IQCM: variants seen among roughly 807,000 people sequenced by gnomAD.
The protein encoded by IQCM is IQ motif containing M.
IQCM carries 45 observed loss-of-function variants against 57.6 expected under a neutral mutation model. That is an observed-to-expected ratio of 0.78 (90% CI 0.62 to 1.00). The LOEUF is 1.00. Among genes scored for constraint, IQCM ranks in the 50% least tolerant of loss-of-function variants. IQCM has a pLI of 0.00. For synonymous variants in IQCM, 148 were observed against 158.9 expected, an observed-to-expected ratio of 0.93 and a Z score of 0.51; for missense variants, 468 against 511.6, an observed-to-expected ratio of 0.91 and a Z score of 0.82.
chr4:149,813,508 T>C (rs1774783674), intron 2 of IQCM, among the ~76,000 whole-genome samples: 1 of 152,040 alleles, frequency 6.6e-6, no homozygotes. Flanking sequence ...ATTAACTAGT[T>C]ACACAACAGA....
chr4:149,808,068 C>T (rs901448486), intron 2 of IQCM, among the ~76,000 whole-genome samples: 4 of 152,070 alleles, frequency 2.6e-5, no homozygotes, highest in Non-Finnish European at 5.9e-5. Flanking sequence ...CACTGCTGAG[C>T]ATATTTCCAA....
intron 12 of IQCM, among the ~76,000 whole-genome samples, chr4:149,470,243 GAC>G (rs1465972108): frequency 3.3e-5 from 5 of 151,280 alleles, no homozygotes; most frequent in African/African-American, 1.2e-4. Context: ...CACATGCAGA[GAC>G]ACACATAGGC....
intron 13 of IQCM, among the ~76,000 whole-genome samples, chr4:149,367,422 G>A (rs1320579967): frequency 6.6e-6 from 1 of 151,892 alleles, no homozygotes; most frequent in Non-Finnish European, 1.5e-5. Flanking sequence ...TTGTTTTACA[G>A]AAATTATATC....
intron 2 of IQCM, among the ~76,000 whole-genome samples, chr4:149,790,744 GCCTGCAGTGCC>G (rs1413565792): frequency 6.6e-6 from 1 of 152,108 alleles, no homozygotes; most frequent in Non-Finnish European, 1.5e-5. Context: ...TAAGAAAATA[GCCTGCAGTGCC>G]TCCTGTGAAA....
At chr4:149,794,275 G>A (rs1353742968) in intron 2 of IQCM, among the ~76,000 whole-genome samples, 1 of 152,142 alleles carries the variant, frequency 6.6e-6, no homozygotes, top group African/African-American at 2.4e-5. Flanking sequence ...TCAGACAACT[G>A]GCAGAAATGC....
chr4:149,596,192 G>T (rs1257730855), intron 8 of IQCM, among the ~76,000 whole-genome samples: 1 of 152,112 alleles, frequency 6.6e-6, no homozygotes, highest in Non-Finnish European at 1.5e-5. Flanking sequence ...CCCTGTAAAG[G>T]TTGGAATCTA....
intron 5 of IQCM, among the ~76,000 whole-genome samples, chr4:149,701,373 T>A (rs1763756839): frequency 6.6e-6 from 1 of 152,046 alleles, no homozygotes; most frequent in Non-Finnish European, 1.5e-5. Context: ...AGAAGAATAT[T>A]CATGTATCAT....
intron 13 of IQCM, among the ~76,000 whole-genome samples, chr4:149,356,361 G>A (rs1274182402): frequency 6.6e-6 from 1 of 151,938 alleles, no homozygotes; most frequent in Admixed American, 6.6e-5. Context: ...TTTCTTCTAG[G>A]GTTTTTATGG....
intron 8 of IQCM, among the ~76,000 whole-genome samples, chr4:149,610,532 AG>A (rs1755186903): frequency 6.6e-6 from 1 of 152,032 alleles, no homozygotes; most frequent in African/African-American, 2.4e-5. Flanking sequence ...CAAATAGACC[AG>A]TGGAACAGAA....
rs199919998 is a variant in IQCM, at chr4:149,774,792, G to A, written c.-48-32053C>T. On this transcript the variant is annotated intron_variant, in intron 2 of 13. Transcript: ENST00000636793. ...AACCAAAAAAAAAAAAAAAAATCAG[G>A]AAGATGAAGTAAAATACCTCCAACT... 1.4e-4 allele frequency among the ~76,000 whole-genome samples: 21 copies of A among 150,688 alleles called. No individual in the cohort carries two copies. The East Asian group carries it at 1.9e-3, about 14-fold the overall frequency.
chr4:149,567,998 A>G (rs1361823698), intron 9 of IQCM, among the ~76,000 whole-genome samples: 1 of 152,120 alleles, frequency 6.6e-6, no homozygotes, highest in African/African-American at 2.4e-5. Context: ...TTTAGAGTCT[A>G]CTTGCTTTGC....
At chr4:149,469,675 A>G (rs918013749) in intron 12 of IQCM, among the ~76,000 whole-genome samples, 6 of 152,182 alleles carry the variant, frequency 3.9e-5, no homozygotes, top group Non-Finnish European at 5.9e-5. Context: ...TAATTGTCAG[A>G]TTCACCAAAG....
intron 12 of IQCM, among the ~76,000 whole-genome samples, chr4:149,441,669 C>T (rs1052004492): frequency 1.3e-5 from 2 of 152,072 alleles, no homozygotes; most frequent in Non-Finnish European, 2.9e-5. Flanking sequence ...CAGTGTTCTA[C>T]TGATTTAAAT....
intron 3 of IQCM, 106 bp downstream of exon 3, chr4:149,742,549 T>G (rs1767554833): frequency 1.8e-6 from 1 of 545,116 alleles, no homozygotes; most frequent in South Asian, 9.6e-5. Flanking sequence ...TTTCAAGATG[T>G]GCCAATAAGT....
rs1454668578 is a variant in IQCM, at chr4:149,563,903, C to G, written c.750-13G>C. ...AGTACCTTTTATCCTAAAAATAAAA[C>G]AAATTTCTTATTATACATAATATGA... On this transcript the variant is annotated splice_polypyrimidine_tract_variant and intron_variant, in intron 9 of 13. Coordinates refer to ENST00000636793, the MANE Select transcript of IQCM (RefSeq NM_001363507.2). 3 of 1,174,150 alleles carry G rather than the reference C, an allele frequency of 2.6e-6. No homozygotes were observed. Among genetic ancestry groups the G allele is most frequent in the Admixed American group, 4.2e-5 (1 of 23,616 alleles). The allele number at this position is 1,174,150 out of a possible 1,614,324, so 72.7% of individuals were successfully genotyped here.
intron 2 of IQCM, among the ~76,000 whole-genome samples, chr4:149,773,744 G>T (rs1277874184): frequency 6.6e-6 from 1 of 152,208 alleles, no homozygotes; most frequent in Non-Finnish European, 1.5e-5. Flanking sequence ...TGACTGCTGT[G>T]CATGTTAAAA....
chr4:149,658,560 T>A (rs1397280336), intron 7 of IQCM, among the ~76,000 whole-genome samples: 1 of 151,922 alleles, frequency 6.6e-6, no homozygotes, highest in Non-Finnish European at 1.5e-5. Flanking sequence ...TTCATAGGGT[T>A]GCTTCAGGTA....
chr4:149,529,571 A>C (rs536861653), intron 12 of IQCM, among the ~76,000 whole-genome samples: 5 of 152,222 alleles, frequency 3.3e-5, no homozygotes, highest in Non-Finnish European at 7.3e-5. Context: ...AAATCTTTGA[A>C]TAAAGATTTG....
At chr4:149,747,076 A>AT (rs1767997827) in intron 2 of IQCM, among the ~76,000 whole-genome samples, 1 of 152,070 alleles carries the variant, frequency 6.6e-6, no homozygotes, top group South Asian at 2.1e-4. Context: ...CCTTTAGGTT[A>AT]TTTTCTGGAT....
Sources: allele counts gnomAD v4.1 joint callset (sites outside exome capture counted in the v4.1 genomes callset), GRCh38; gene constraint gnomAD v4.1.1; transcripts MANE v1.5; gene names NCBI Gene and HGNC (gene_info 2026-07-23, HGNC 2026-07-21).